Variants in CLN8 observed in about 807,000 individuals in gnomAD.
CLN8 encodes the protein protein CLN8.
In CLN8, 14 loss-of-function variants were observed where a neutral mutation model predicts 15.7. That is an observed-to-expected ratio of 0.89 (90% confidence interval 0.59 to 1.39). CLN8 has a LOEUF of 1.39. CLN8 is among the 40% of genes most tolerant of loss of function. CLN8 has a pLI of 0.00. For missense variants in CLN8, 415 were observed against 364.0 expected (o/e 1.14, Z -1.14); for synonymous variants, 188 against 151.0 (o/e 1.25, Z -1.80).
chr8:1,774,556 G>C (rs1013855585), intron 2 of CLN8, among the ~76,000 whole-genome samples: 2 of 152,144 alleles, frequency 1.3e-5, no homozygotes, highest in African/African-American at 4.8e-5. Flanking sequence ...AGAACTAAAG[G>C]ATGTAAAGAC....
chr8:1,767,289 C>A (rs1380586694), intron 1 of CLN8, among the ~76,000 whole-genome samples: 5 of 152,208 alleles, frequency 3.3e-5, no homozygotes, highest in African/African-American at 1.2e-4. Flanking sequence ...AGTAAGCATT[C>A]TGGTCTTTAT....
chr8:1,779,929 TAAAAC>T (rs752821801), intron 2 of CLN8: 148 of 984,472 alleles, frequency 1.5e-4, no homozygotes, highest in Non-Finnish European at 1.8e-4. Flanking sequence ...AAATTCAAGA[TAAAAC>T]AAAGATTGAA....
chr8:1,776,953 C>CG (rs1384535932), intron 2 of CLN8, among the ~76,000 whole-genome samples: 5 of 152,150 alleles, frequency 3.3e-5, no homozygotes, highest in African/African-American at 9.7e-5. Flanking sequence ...AGACGTTACC[C>CG]GGACGCAAAA....
At chr8:1,775,746 G>A (rs1801487052) in intron 2 of CLN8, among the ~76,000 whole-genome samples, 1 of 152,202 alleles carries the variant, frequency 6.6e-6, no homozygotes, top group African/African-American at 2.4e-5. Context: ...GGGCCTTCCA[G>A]CTACTGTAGA....
chr8:1,761,105 C>T (rs1014319153), upstream of CLN8, among the ~76,000 whole-genome samples: 4 of 146,112 alleles, frequency 2.7e-5, no homozygotes, highest in African/African-American at 1.0e-4. Flanking sequence ...CTGCAACCTC[C>T]GCCTCCCAGG....
At chr8:1,764,085 T>G (rs1397147034) in intron 1 of CLN8, 200 bp downstream of exon 1, 2 of 150,010 alleles carry the variant, frequency 1.3e-5, no homozygotes, top group African/African-American at 4.9e-5. Flanking sequence ...GGAACTCAGC[T>G]GAGGGGGAAC....
In CLN8 at chr8:1,786,012, T is replaced by C. The variant is rs556142505; in HGVS notation, c.*5445T>C. The C allele has an allele frequency of 1.3e-5, 2 of 154,310 alleles. No individual in the cohort carries two copies. Among genetic ancestry groups the C allele is most frequent in the East Asian group, 3.8e-4 (2 of 5,242 alleles). 9.6% of individuals were successfully genotyped at this position (154,310 alleles called of 1,614,324 possible). A position where few individuals can be genotyped will look rare whatever the true frequency, so the allele number is the denominator to read the frequency against. ...CTCCCTGGAAGTCACAGGACAGGAA[T>C]GACAGATCAGGGAACTGCAGGAAGC... On this transcript the variant is annotated 3_prime_UTR_variant, in exon 3 of 3. Coordinates refer to ENST00000331222, the MANE Select transcript of CLN8 (RefSeq NM_018941.4).
Position 1,780,498 on chromosome 8 carries a change from C to G in CLN8, c.792C>G (p.Asn264Lys), listed in dbSNP as rs587779411. The change falls in exon 3 of 3, where the codon AAC becomes AAG. Residue 264 changes from asparagine to lysine, a missense_variant. Transcript: ENST00000331222. The part of the protein sequence containing the change: ...TQQLLNPVDW[N>K]FAQPEAKSRP... ...AGCTTCTCAATCCGGTGGACTGGAACTTCGCACAGCCAGAAGCCAAGAGCA... is the reference window on the plus strand; with the variant it reads ...AGCTTCTCAATCCGGTGGACTGGAAGTTCGCACAGCCAGAAGCCAAGAGCA... The G allele has an allele frequency of 3.1e-6, 5 of 1,614,120 alleles. No individual in the cohort carries two copies. The highest frequency in any genetic ancestry group is 3.4e-6 in the Non-Finnish European group (4 of 1,180,054).
intron 2 of CLN8, among the ~76,000 whole-genome samples, chr8:1,778,207 AG>A (rs1478551454): frequency 6.6e-6 from 1 of 152,192 alleles, no homozygotes; most frequent in Non-Finnish European, 1.5e-5. Flanking sequence ...GGACTGCCCC[AG>A]GCAAACCAGG....
rs923933463 is a variant in CLN8, at chr8:1,783,589, G to C, written c.*3022G>C. The C allele has an allele frequency of 4.6e-5, 7 of 151,870 alleles. No individual in the cohort carries two copies. The highest frequency in any genetic ancestry group is 1.7e-4 in the African/African-American group (7 of 41,326). 9.4% of individuals were successfully genotyped at this position (151,870 alleles called of 1,614,324 possible). ...GAGGTTGAGTGACTGAAGACCAAGGGTTGGTGCAGCCTCCTCGCCGCGCTG... is the reference window on the plus strand; with the variant it reads ...GAGGTTGAGTGACTGAAGACCAAGGCTTGGTGCAGCCTCCTCGCCGCGCTG... On this transcript the variant is annotated 3_prime_UTR_variant, in exon 3 of 3. Coordinates refer to ENST00000331222, the MANE Select transcript of CLN8 (RefSeq NM_018941.4).
In CLN8 at chr8:1,767,865, T is replaced by C. The variant is rs184111953; in HGVS notation, c.-123-3067T>C. ...GGATTACAGGCGTGCGCCACTGCAC[T>C]CGGCCTGCTCTGTGTATTTCTTTTT... On this transcript the variant is annotated intron_variant, in intron 1 of 2. Transcript: ENST00000331222. 1.9e-3 allele frequency among the ~76,000 whole-genome samples: 291 copies of C among 150,512 alleles called. 1 individual carries two copies. The highest frequency in any genetic ancestry group is 5.3e-3 in the African/African-American group (218 of 40,972).
intron 1 of CLN8, among the ~76,000 whole-genome samples, chr8:1,768,933 C>T (rs1469633741): frequency 2.0e-5 from 3 of 152,166 alleles, no homozygotes; most frequent in East Asian, 1.9e-4. Flanking sequence ...GTGTGGGTCA[C>T]GAGGGCACAC....
rs571323467 is a variant in CLN8, at chr8:1,785,669, C to T, written c.*5102C>T. The T allele has an allele frequency of 9.2e-6, 1 of 109,176 alleles. No homozygotes were observed. Among genetic ancestry groups the T allele is most frequent in the African/African-American group, 3.6e-5 (1 of 27,630 alleles). 6.8% of individuals were successfully genotyped at this position (109,176 alleles called of 1,614,324 possible). On this transcript the variant is annotated 3_prime_UTR_variant, in exon 3 of 3. Transcript: ENST00000331222. ...ACCGGTCAGATTACGGTGACACAGG[C>T]GGCGTGGGGTTAGACAGGTACCGGT...
At position 1,771,327 on chromosome 8, in the gene CLN8, G is replaced by A. The variant is rs878855052; in HGVS notation, c.273G>A (p.Leu91=). 6.2e-7 allele frequency: 1 copy of A among 1,614,198 alleles called. No homozygotes were observed. The highest frequency in any genetic ancestry group is 2.2e-5 in the East Asian group (1 of 44,882). Residue 91 remains leucine, a synonymous_variant, in exon 2 of 3, where the codon CTG becomes CTA. Transcript: ENST00000331222. The part of the protein sequence containing the change: ...GLWALLGDPV[L]HADKARGQQN... ...GGGCTCTGCTGGGGGACCCTGTGCT[G>A]CATGCCGACAAGGCGCGTGGCCAGC...
chr8:1,780,244 A>G lies in CLN8; in HGVS notation c.544-6A>G, dbSNP rs200435861. On this transcript the variant is annotated splice_region_variant and splice_polypyrimidine_tract_variant and intron_variant, in intron 2 of 2. Transcript: ENST00000331222. ...TGACTTGTGCATTTGTCTTCTCTCC[A>G]TGCAGGCGGGCTGGTCCGAGTCTCT... 6.2e-7 allele frequency: 1 copy of G among 1,614,276 alleles called. No homozygotes were observed. Among genetic ancestry groups the G allele is most frequent in the Non-Finnish European group, 8.5e-7 (1 of 1,180,048 alleles).
In CLN8 at chr8:1,782,771, G is replaced by T. The variant is rs1801739368; in HGVS notation, c.*2204G>T. 1 of 152,240 alleles carries T rather than the reference G, an allele frequency of 6.6e-6. No individual in the cohort carries two copies. The highest frequency in any genetic ancestry group is 1.9e-4 in the East Asian group (1 of 5,204). 9.4% of individuals were successfully genotyped at this position (152,240 alleles called of 1,614,324 possible). ...CTGTGAATGCTTTATCTTGGAGATA[G>T]AAAATATAATGATAAATTCATCATG... is the stretch of plus-strand genomic sequence containing the variant. On this transcript the variant is annotated 3_prime_UTR_variant, in exon 3 of 3. Coordinates refer to ENST00000331222, the MANE Select transcript of CLN8 (RefSeq NM_018941.4).
At position 1,782,560 on chromosome 8, in the gene CLN8, T is replaced by A. The variant is rs1254579923; in HGVS notation, c.*1993T>A. 6.6e-6 allele frequency: 1 copy of A among 152,216 alleles called. No individual in the cohort carries two copies. Among genetic ancestry groups the A allele is most frequent in the Admixed American group, 6.5e-5 (1 of 15,282 alleles). 9.4% of individuals were successfully genotyped at this position (152,216 alleles called of 1,614,324 possible). On this transcript the variant is annotated 3_prime_UTR_variant, in exon 3 of 3. Transcript: ENST00000331222. Reference sequence around the variant, plus strand: ...TCTTAAACACATCCAGCAAATGGTGTCCCTGCTGAAACTTTTAACTGGAAA... The same window carrying A: ...TCTTAAACACATCCAGCAAATGGTGACCCTGCTGAAACTTTTAACTGGAAA...
chr8:1,779,450 G>C (rs989291125), intron 2 of CLN8, among the ~76,000 whole-genome samples: 1 of 152,174 alleles, frequency 6.6e-6, no homozygotes, highest in African/African-American at 2.4e-5. Context: ...TCGCCATGTT[G>C]GCCAGGCTGG....
chr8:1,776,743 A>G (rs920850459), intron 2 of CLN8, among the ~76,000 whole-genome samples: 6 of 152,242 alleles, frequency 3.9e-5, no homozygotes, highest in African/African-American at 1.4e-4. Flanking sequence ...GGCTCCATGC[A>G]TAGGTCTGTG....
Sources: allele counts gnomAD v4.1 joint callset (sites outside exome capture counted in the v4.1 genomes callset), GRCh38; gene constraint gnomAD v4.1.1; transcripts MANE v1.5; gene names NCBI Gene and HGNC (gene_info 2026-07-23, HGNC 2026-07-21).